Variants in ELP4 observed in about 807,000 individuals in gnomAD.
ELP4 encodes elongator acetyltransferase complex subunit 4, also known as elongator complex protein 4.
A neutral mutation model predicts 48.9 loss-of-function variants in ELP4; 51 were observed. The observed-to-expected ratio is 1.04, with a 90% CI of 0.83 to 1.32. The LOEUF is 1.32. Among genes scored for constraint, ELP4 ranks in the 40% most tolerant of loss-of-function variants. The probability of loss-of-function intolerance (pLI) is 0.00; values close to 1 mark genes in which losing one functional copy is unlikely to be tolerated. For missense variants in ELP4, 519 were observed against 514.6 expected, an observed-to-expected ratio of 1.01 and a Z score of -0.08; for synonymous variants, 210 against 189.2, an observed-to-expected ratio of 1.11 and a Z score of -0.90.
chr11:31,761,400 C>T (rs1264179503), intron 9 of ELP4, among the ~76,000 whole-genome samples: 1 of 150,830 alleles, frequency 6.6e-6, no homozygotes. Flanking sequence ...CATTTTTTAA[C>T]TATACCCAAG....
At chr11:31,723,537 C>T (rs1947012605) in intron 9 of ELP4, among the ~76,000 whole-genome samples, 2 of 152,168 alleles carry the variant, frequency 1.3e-5, no homozygotes, top group Non-Finnish European at 2.9e-5. Context: ...GCTGGATAGA[C>T]CCAATCTACC....
intron 9 of ELP4, among the ~76,000 whole-genome samples, chr11:31,683,456 T>C (rs914555537): frequency 9.2e-5 from 14 of 152,116 alleles, no homozygotes; most frequent in African/African-American, 2.7e-4. Context: ...AATTGGCAAA[T>C]TGAGTGTATT....
At chr11:31,715,719 C>T (rs1024082442) in intron 9 of ELP4, among the ~76,000 whole-genome samples, 1 of 152,146 alleles carries the variant, frequency 6.6e-6, no homozygotes, top group Non-Finnish European at 1.5e-5. Flanking sequence ...GGTTAGAATC[C>T]TTGCTCTTTT....
chr11:31,607,580 C>G (rs1053278412), intron 5 of ELP4, among the ~76,000 whole-genome samples: 1 of 152,144 alleles, frequency 6.6e-6, no homozygotes, highest in African/African-American at 2.4e-5. Context: ...TCTTAAAGGC[C>G]TCGTCTCTTA....
chr11:31,569,750 C>A (rs187722566), intron 3 of ELP4, among the ~76,000 whole-genome samples: 1 of 152,050 alleles, frequency 6.6e-6, no homozygotes, highest in Admixed American at 6.6e-5. Flanking sequence ...ATACAAATGG[C>A]CAACAAACAT....
At chr11:31,680,734 C>T (rs1165636237) in intron 9 of ELP4, among the ~76,000 whole-genome samples, 2 of 152,128 alleles carry the variant, frequency 1.3e-5, no homozygotes, top group Non-Finnish European at 2.9e-5. Flanking sequence ...ATGTTGTGTT[C>T]AATAGGCTGC....
chr11:31,732,469 T>TAA (rs34416979), intron 9 of ELP4, among the ~76,000 whole-genome samples: 1,697 of 136,572 alleles, frequency 0.012, 23 homozygotes, highest in African/African-American at 0.034. Flanking sequence ...AGCATGTCAC[T>TAA]AAAAAAAAAA....
At chr11:31,637,751 C>T (rs1426197440) in intron 7 of ELP4, among the ~76,000 whole-genome samples, 1 of 151,932 alleles carries the variant, frequency 6.6e-6, no homozygotes, top group Non-Finnish European at 1.5e-5. Context: ...AATTTGTCAT[C>T]CACCTCCAAA....
chr11:31,529,154 C>G (rs1384890947), intron 2 of ELP4, among the ~76,000 whole-genome samples: 1 of 151,148 alleles, frequency 6.6e-6, no homozygotes, highest in East Asian at 1.9e-4. Flanking sequence ...TTAAATAAAC[C>G]AATGCATGAG....
In ELP4 at chr11:31,531,375, A is replaced by G. The variant is rs1038660229; in HGVS notation, c.260-8287A>G. Among the ~76,000 whole-genome samples, 6 of 152,364 alleles carry G rather than the reference A, an allele frequency of 3.9e-5. 1 individual carries two copies. Among genetic ancestry groups the G allele is most frequent in the Admixed American group, 3.9e-4 (6 of 15,308 alleles). The stretch of plus-strand genomic sequence containing the variant: ...ACAATAATAGGATGCATTCTCTGCC[A>G]TAATAATCTTTTAGCTTCATGGAGG... On this transcript the variant is annotated intron_variant, in intron 2 of 9. Transcript: ENST00000640961.
At chr11:31,730,192 C>G (rs986977403) in intron 9 of ELP4, among the ~76,000 whole-genome samples, 1 of 152,148 alleles carries the variant, frequency 6.6e-6, no homozygotes, top group African/African-American at 2.4e-5. Context: ...ATTTGTGCTA[C>G]TATAACAAAA....
At chr11:31,616,636 C>T (rs1486542553) in intron 5 of ELP4, among the ~76,000 whole-genome samples, 3 of 151,810 alleles carry the variant, frequency 2.0e-5, no homozygotes, top group East Asian at 3.9e-4. Flanking sequence ...GAAAAGGCAA[C>T]GTAAGAAATG....
intron 2 of ELP4, among the ~76,000 whole-genome samples, chr11:31,535,895 A>C (rs1956492975): frequency 6.6e-6 from 1 of 151,910 alleles, no homozygotes; most frequent in Admixed American, 6.6e-5. Flanking sequence ...ATGTTTTTTG[A>C]GATTTACCCA....
intron 9 of ELP4, among the ~76,000 whole-genome samples, chr11:31,719,263 A>G (rs1047908400): frequency 6.7e-6 from 1 of 148,888 alleles, no homozygotes; most frequent in African/African-American, 2.5e-5. Context: ...CTGAAAAAGA[A>G]AAAAAAAAAA....
chr11:31,549,297 A>C (rs1296388333), intron 3 of ELP4, among the ~76,000 whole-genome samples: 3 of 152,080 alleles, frequency 2.0e-5, no homozygotes, highest in Non-Finnish European at 4.4e-5. Flanking sequence ...CAAGAAAAAA[A>C]CAAATAACCC....
intron 3 of ELP4, among the ~76,000 whole-genome samples, chr11:31,583,062 T>G (rs1592137157): frequency 6.6e-6 from 1 of 152,066 alleles, no homozygotes; most frequent in Non-Finnish European, 1.5e-5. Flanking sequence ...GCACAGTTAG[T>G]TGGTGGAGGT....
At chr11:31,587,465 G>T (rs1008228727) in intron 3 of ELP4, among the ~76,000 whole-genome samples, 1 of 152,136 alleles carries the variant, frequency 6.6e-6, no homozygotes, top group African/African-American at 2.4e-5. Context: ...TTTGTTGCAA[G>T]CTGAAAAGTG....
chr11:31,726,841 G>A (rs775078323), intron 9 of ELP4, among the ~76,000 whole-genome samples: 7 of 152,148 alleles, frequency 4.6e-5, no homozygotes, highest in Admixed American at 1.3e-4. Context: ...ATTGATTGAT[G>A]TATTGGTTTG....
At chr11:31,623,924 A>G (rs1242293921) in intron 5 of ELP4, among the ~76,000 whole-genome samples, 1 of 151,964 alleles carries the variant, frequency 6.6e-6, no homozygotes, top group East Asian at 1.9e-4. Context: ...ATTTCTCAAA[A>G]GAAGCCATAC....
Sources: gnomAD v4.1 joint callset for allele counts (sites outside exome capture counted in the v4.1 genomes callset) on GRCh38, gnomAD v4.1.1 for gene constraint, MANE v1.5 for transcripts, NCBI Gene and HGNC (gene_info 2026-07-23, HGNC 2026-07-21) for gene names.